The following ALK variants were observed in gnomAD, a reference collection of about 807,000 sequenced individuals.
The protein encoded by ALK is ALK receptor tyrosine kinase.
ALK carries 74 observed loss-of-function variants against 163.1 expected under a neutral mutation model. The observed-to-expected ratio is 0.45, with a 90% CI of 0.38 to 0.55. The LOEUF is 0.55. Ranked by LOEUF, ALK falls within the 20% of genes least tolerant of loss-of-function variation. The pLI is 0.00. For synonymous variants in ALK, 960 were observed against 843.2 expected (o/e 1.14, Z -2.40); for missense variants, 2,063 against 2,105.3 (o/e 0.98, Z 0.39).
intron 1 of ALK, among the ~76,000 whole-genome samples, chr2:29,737,940 G>T (rs182362055): frequency 2.0e-5 from 3 of 152,070 alleles, no homozygotes; most frequent in Admixed American, 1.3e-4. Context: ...CAAGGTGAGC[G>T]GGAGAACAAC....
At chr2:29,196,143 A>G (rs1669018434) in intron 28 of ALK, among the ~76,000 whole-genome samples, 1 of 152,212 alleles carries the variant, frequency 6.6e-6, no homozygotes, top group African/African-American at 2.4e-5. Flanking sequence ...GGATTGCTAG[A>G]AGAATGTTTG....
intron 4 of ALK, among the ~76,000 whole-genome samples, chr2:29,507,295 T>A (rs1459113262): frequency 6.6e-6 from 1 of 152,206 alleles, no homozygotes; most frequent in Non-Finnish European, 1.5e-5. Context: ...TACCATCGAA[T>A]TCTACATTTT....
At chr2:29,800,998 A>G (rs550108047) in intron 1 of ALK, among the ~76,000 whole-genome samples, 1 of 152,076 alleles carries the variant, frequency 6.6e-6, no homozygotes, top group African/African-American at 2.4e-5. Context: ...GGTGGGTCCT[A>G]CTCACTGTGA....
At chr2:29,789,866 G>A (rs1221995149) in intron 1 of ALK, among the ~76,000 whole-genome samples, 1 of 152,136 alleles carries the variant, frequency 6.6e-6, no homozygotes, top group Non-Finnish European at 1.5e-5. Flanking sequence ...GGAGAACCTT[G>A]GAGTTTAGTA....
At chr2:29,877,123 T>C (rs1290047680) in intron 1 of ALK, among the ~76,000 whole-genome samples, 4 of 152,254 alleles carry the variant, frequency 2.6e-5, no homozygotes, top group Admixed American at 2.0e-4. Context: ...CCTTTGACTC[T>C]TGTGGTATCA....
intron 26 of ALK, among the ~76,000 whole-genome samples, chr2:29,199,959 ACT>A (rs559057818): frequency 6.6e-5 from 10 of 152,202 alleles, no homozygotes; most frequent in East Asian, 1.9e-4. Context: ...AATTTCAAAG[ACT>A]CTTGTGAGAA....
intron 1 of ALK, among the ~76,000 whole-genome samples, chr2:29,770,158 G>A (rs1303050661): frequency 1.3e-5 from 2 of 152,224 alleles, no homozygotes; most frequent in Admixed American, 6.5e-5. Context: ...GTTAGAGGAG[G>A]AGGGTAAACT....
At chr2:29,632,777 G>A (rs1676415086) in intron 3 of ALK, among the ~76,000 whole-genome samples, 1 of 152,202 alleles carries the variant, frequency 6.6e-6, no homozygotes. Flanking sequence ...CATGGTGGAA[G>A]GCAAGGAGGA....
At chr2:29,657,562 T>C (rs925063763) in intron 3 of ALK, among the ~76,000 whole-genome samples, 4 of 152,160 alleles carry the variant, frequency 2.6e-5, no homozygotes, top group African/African-American at 9.7e-5. Flanking sequence ...GTTTATTCTC[T>C]TTCCAACAAA....
chr2:29,688,183 C>T (rs759752079), intron 3 of ALK, among the ~76,000 whole-genome samples: 1 of 152,154 alleles, frequency 6.6e-6, no homozygotes, highest in African/African-American at 2.4e-5. Context: ...TCCGTGAGGC[C>T]TTACTGGTGA....
chr2:29,607,221 G>A (rs1307769764), intron 3 of ALK, among the ~76,000 whole-genome samples: 2 of 152,192 alleles, frequency 1.3e-5, no homozygotes, highest in African/African-American at 4.8e-5. Flanking sequence ...GGGTAGGAGA[G>A]GCGAGTAGTG....
chr2:29,653,027 T>C (rs1390696873), intron 3 of ALK, among the ~76,000 whole-genome samples: 2 of 152,138 alleles, frequency 1.3e-5, no homozygotes, highest in African/African-American at 4.8e-5. Flanking sequence ...GACTTAAGAC[T>C]GGTAGGAAGC....
At position 29,328,410 on chromosome 2, in the gene ALK, C is replaced by G. The variant is rs1277320933; in HGVS notation, c.1354G>C (p.Gly452Arg). ...TCWNGTVLQLGQACDFHQDCA... is the reference protein window; with the variant it reads ...TCWNGTVLQLRQACDFHQDCA... The stretch of plus-strand genomic sequence containing the variant: ...TCCTGGTGGAAGTCACAGGCCTGCC[C>G]AAGCTGGAGGACTGTCCCATTCCAA... The change falls in exon 6 of 29, where the codon GGG (glycine) becomes CGG (arginine). Residue 452 changes from glycine to arginine, a missense_variant. Gly to Arg is a moderately radical substitution (Grantham distance 125, BLOSUM62 -2). This residue lies in a region of ALK where 987 missense variants were observed against 939.5 expected (regional missense o/e 1.05). Coordinates refer to ENST00000389048, the MANE Select transcript of ALK (RefSeq NM_004304.5). 1.9e-6 allele frequency: 3 copies of G among 1,614,206 alleles called. No individual in the cohort carries two copies. The South Asian group carries it at 3.3e-5, about 18-fold the overall frequency.
rs1203811883 is a variant in ALK, at chr2:29,363,545, C to A, written c.1282+20187G>T. Reference sequence around the variant, plus strand: ...CTGGGTGAGCTTGCTGGAGTACCACCACTTCTGGATCTGTAGGCCAGGACT... The same window carrying A: ...CTGGGTGAGCTTGCTGGAGTACCACAACTTCTGGATCTGTAGGCCAGGACT... On this transcript the variant is annotated intron_variant, in intron 5 of 28. Coordinates refer to ENST00000389048, the MANE Select transcript of ALK (RefSeq NM_004304.5). Among the ~76,000 whole-genome samples the A allele has an allele frequency of 2.6e-5, 4 of 152,180 alleles. No homozygotes were observed. The East Asian group carries it at 7.7e-4, about 29-fold the overall frequency.
intron 4 of ALK, among the ~76,000 whole-genome samples, chr2:29,501,970 A>C (rs1210260707): frequency 1.3e-5 from 2 of 152,192 alleles, no homozygotes; most frequent in Non-Finnish European, 2.9e-5. Context: ...AATGTCTTCA[A>C]GGTTCACACA....
chr2:29,282,485 T>A (rs548842219), intron 9 of ALK, among the ~76,000 whole-genome samples: 4 of 151,956 alleles, frequency 2.6e-5, no homozygotes, highest in Non-Finnish European at 4.4e-5. Flanking sequence ...GCTCTAGGAG[T>A]CTTTAACTTC....
intron 1 of ALK, among the ~76,000 whole-genome samples, chr2:29,815,512 T>C (rs144745894): frequency 6.6e-6 from 1 of 152,076 alleles, no homozygotes; most frequent in African/African-American, 2.4e-5. Flanking sequence ...CTTCCACCAG[T>C]CCCTCTCTGA....
intron 14 of ALK, among the ~76,000 whole-genome samples, chr2:29,232,998 C>G (rs1235399290): frequency 6.6e-6 from 1 of 152,182 alleles, no homozygotes; most frequent in Non-Finnish European, 1.5e-5. Flanking sequence ...CAGGAGGGCA[C>G]AGTGGGACTC....
chr2:29,380,833 C>T (rs975001323), intron 5 of ALK, among the ~76,000 whole-genome samples: 6 of 152,174 alleles, frequency 3.9e-5, no homozygotes, highest in African/African-American at 1.2e-4. Context: ...TACCCACCAG[C>T]CCCCTCCTCC....
Sources: gnomAD v4.1 joint callset for allele counts (sites outside exome capture counted in the v4.1 genomes callset) on GRCh38, gnomAD v4.1.1 for gene constraint, gnomAD v4.1.1 regional missense constraint, MANE v1.5 for transcripts, NCBI Gene and HGNC (gene_info 2026-07-23, HGNC 2026-07-21) for gene names.